The following DENND1A variants were observed in gnomAD, a reference collection of about 807,000 sequenced individuals.
The protein encoded by DENND1A is DENN domain-containing protein 1A.
DENND1A carries 51 observed loss-of-function variants against 113.7 expected under a neutral mutation model. The observed-to-expected ratio is 0.45, with a 90% CI of 0.36 to 0.57. The LOEUF (loss-of-function observed/expected upper bound fraction) is 0.57. DENND1A is among the 20% of genes least tolerant of loss of function. DENND1A has a pLI of 0.00. For synonymous variants in DENND1A, 565 were observed against 570.8 expected (o/e 0.99, Z 0.14); for missense variants, 1,258 against 1,395.9 (o/e 0.90, Z 1.57).
intron 5 of DENND1A, among the ~76,000 whole-genome samples, chr9:123,710,708 T>C (rs1322473431): frequency 6.6e-6 from 1 of 151,908 alleles, no homozygotes; most frequent in Non-Finnish European, 1.5e-5. Flanking sequence ...GGTTCACTCT[T>C]GTTGCCCAGG....
chr9:123,668,806 G>A (rs1369941816), intron 7 of DENND1A, among the ~76,000 whole-genome samples: 3 of 152,214 alleles, frequency 2.0e-5, no homozygotes, highest in African/African-American at 7.2e-5. Context: ...AGTAGAGACG[G>A]TGTAGCGTGG....
At chr9:123,847,529 A>G (rs1170231327) in intron 2 of DENND1A, among the ~76,000 whole-genome samples, 2 of 152,252 alleles carry the variant, frequency 1.3e-5, no homozygotes, top group African/African-American at 4.8e-5. Flanking sequence ...AGGTTAGAAT[A>G]AGGACATCTT....
intron 9 of DENND1A, among the ~76,000 whole-genome samples, chr9:123,637,910 AACACACACACACAC>A (rs10539797): frequency 6.8e-6 from 1 of 146,014 alleles, no homozygotes; most frequent in South Asian, 2.2e-4. Flanking sequence ...GGAAGGAATA[AACACACACACACAC>A]ACACACACGC....
intron 12 of DENND1A, among the ~76,000 whole-genome samples, chr9:123,576,528 T>TA (rs2065444901): frequency 1.3e-5 from 2 of 152,228 alleles, no homozygotes; most frequent in African/African-American, 4.8e-5. Flanking sequence ...AGATGGATTC[T>TA]AGCTCTGTTT....
chr9:123,413,568 C>T lies in DENND1A; in HGVS notation c.1489-1739G>A, dbSNP rs777924435. ...CCCTGGTGCTCTGCATGGAACCTGT[C>T]GGGGCAGCCTGAGGGGAAAGCGGGT... On this transcript the variant is annotated intron_variant, in intron 19 of 23. Coordinates refer to ENST00000394215, the MANE Select transcript of DENND1A (RefSeq NM_001352964.2). 7.2e-5 allele frequency: 71 copies of T among 985,460 alleles called. No homozygotes were observed. The African/African-American group carries it at 8.0e-4, about 11-fold the overall frequency. 61.0% of individuals were successfully genotyped at this position (985,460 alleles called of 1,614,324 possible).
In DENND1A at chr9:123,422,826, G is replaced by A. The variant is rs914377751; in HGVS notation, c.1489-10997C>T. ...GACATTTTTATTCATGGTGGCGTAC[G>A]CCCTTGTAATGATCAGCTCTGGTCG... is the stretch of plus-strand genomic sequence containing the variant. On this transcript the variant is annotated intron_variant, in intron 19 of 23. Coordinates refer to ENST00000394215, the MANE Select transcript of DENND1A (RefSeq NM_001352964.2). The surrounding 1 kb of genome is among the most constrained non-coding windows in gnomAD (Gnocchi z 4.8). Among the ~76,000 whole-genome samples, 7 of 152,266 alleles carry A rather than the reference G, an allele frequency of 4.6e-5. No homozygotes were observed. The highest frequency in any genetic ancestry group is 1.7e-4 in the African/African-American group (7 of 41,550).
chr9:123,489,375 C>T (rs2051169823), intron 13 of DENND1A, among the ~76,000 whole-genome samples: 1 of 152,190 alleles, frequency 6.6e-6, no homozygotes, highest in Middle Eastern at 3.2e-3. Flanking sequence ...AGTAGATGAT[C>T]CTGACCAGGT....
At chr9:123,585,814 C>T (rs944383262) in intron 11 of DENND1A, among the ~76,000 whole-genome samples, 1 of 152,168 alleles carries the variant, frequency 6.6e-6, no homozygotes. Flanking sequence ...TAAATGGCTG[C>T]GTCTGTAAAA....
At chr9:123,915,493 A>C (rs1177819478) in intron 1 of DENND1A, among the ~76,000 whole-genome samples, 1 of 152,146 alleles carries the variant, frequency 6.6e-6, no homozygotes, top group African/African-American at 2.4e-5. Flanking sequence ...ACAAAGTGTG[A>C]AATCAAAAGA....
intron 10 of DENND1A, among the ~76,000 whole-genome samples, chr9:123,624,325 TA>T (rs1306589615): frequency 1.3e-5 from 2 of 152,204 alleles, no homozygotes; most frequent in African/African-American, 2.4e-5. Context: ...TTACTGGGCA[TA>T]ATAGAATGAA....
intron 19 of DENND1A, among the ~76,000 whole-genome samples, chr9:123,421,428 A>C (rs1439744705): frequency 3.9e-5 from 6 of 152,020 alleles, no homozygotes; most frequent in Middle Eastern, 3.2e-3. Flanking sequence ...CCAACAGCAG[A>C]AGAAGATGTT....
intron 13 of DENND1A, among the ~76,000 whole-genome samples, chr9:123,504,437 C>T (rs1014135176): frequency 4.7e-4 from 72 of 152,188 alleles, no homozygotes; most frequent in Non-Finnish European, 9.3e-4. Flanking sequence ...TAACATTGAC[C>T]AAATGCTCAC....
At chr9:123,642,606 T>C (rs1197619274) in intron 9 of DENND1A, among the ~76,000 whole-genome samples, 1 of 152,242 alleles carries the variant, frequency 6.6e-6, no homozygotes, top group Non-Finnish European at 1.5e-5. Flanking sequence ...ACACTAAATT[T>C]AGTCTTAGAA....
chr9:123,771,322 T>G (rs184886872), intron 3 of DENND1A, among the ~76,000 whole-genome samples: 1 of 152,324 alleles, frequency 6.6e-6, no homozygotes, highest in East Asian at 1.9e-4. Flanking sequence ...GTGCTAATTA[T>G]AAAGTATACT....
At chr9:123,914,639 G>C (rs902562218) in intron 1 of DENND1A, among the ~76,000 whole-genome samples, 1 of 151,872 alleles carries the variant, frequency 6.6e-6, no homozygotes, top group Non-Finnish European at 1.5e-5. Flanking sequence ...CACAGTGCTG[G>C]CATCTGCTTC....
intron 2 of DENND1A, among the ~76,000 whole-genome samples, chr9:123,815,099 G>A (rs1475055379): frequency 1.3e-5 from 2 of 152,154 alleles, no homozygotes; most frequent in African/African-American, 4.8e-5. Context: ...GGTTAGGCGG[G>A]AAATTAAATC....
chr9:123,460,712 C>T (rs550919813), intron 13 of DENND1A, among the ~76,000 whole-genome samples: 1 of 152,344 alleles, frequency 6.6e-6, no homozygotes, highest in Non-Finnish European at 1.5e-5. Context: ...GCTTAAACCA[C>T]GGTGGAGGTT....
intron 2 of DENND1A, among the ~76,000 whole-genome samples, chr9:123,870,582 G>A (rs1349863595): frequency 4.0e-5 from 6 of 151,852 alleles, no homozygotes. Context: ...AATTACAGGT[G>A]CATGCCACCA....
chr9:123,438,526 A>G (rs764861949), intron 19 of DENND1A, among the ~76,000 whole-genome samples: 28 of 152,180 alleles, frequency 1.8e-4, no homozygotes, highest in Non-Finnish European at 2.9e-4. Context: ...CTGCGGCTGC[A>G]GCTGGAAGGG....
Sources: allele counts gnomAD v4.1 joint callset (sites outside exome capture counted in the v4.1 genomes callset), GRCh38; gene constraint gnomAD v4.1.1; non-coding constraint Gnocchi (gnomAD v3.1); transcripts MANE v1.5; gene names NCBI Gene and HGNC (gene_info 2026-07-23, HGNC 2026-07-21).